TYW1: variants seen among roughly 807,000 people sequenced by gnomAD.
TYW1 encodes S-adenosyl-L-methionine-dependent tRNA 4-demethylwyosine synthase TYW1.
In TYW1, 46 loss-of-function variants were observed where a neutral mutation model predicts 96.2. The observed-to-expected ratio is 0.48, with a 90% confidence interval of 0.38 to 0.61. TYW1 has a LOEUF of 0.61. Ranked by LOEUF, TYW1 falls within the 20% of genes least tolerant of loss-of-function variation. The pLI, the probability that TYW1 is intolerant of heterozygous loss-of-function variation, is 0.00. For synonymous variants in TYW1, 274 were observed against 323.0 expected (o/e 0.85, Z 1.63); for missense variants, 684 against 909.6 (o/e 0.75, Z 3.19).
In TYW1 at chr7:67,149,722, A is replaced by ATC. The variant is rs1554376826; in HGVS notation, c.1698+32105_1698+32106insCT. 1.9e-3 allele frequency among the ~76,000 whole-genome samples: 262 copies of ATC among 140,234 alleles called. 1 individual carries two copies. Among genetic ancestry groups the ATC allele is most frequent in the African/African-American group, 6.8e-3 (257 of 37,720 alleles). 92.0% of individuals were successfully genotyped at this position (140,234 alleles called of 152,430 possible). A position where few individuals can be genotyped will look rare whatever the true frequency, so the allele number is the denominator to read the frequency against. ...GGAGCTTGTCAAAAAAGGAAAAAAA[A>ATC]TATCTATCTATCTATCTATCTATCT... On this transcript the variant is annotated intron_variant, in intron 13 of 15. Coordinates refer to ENST00000359626, the MANE Select transcript of TYW1 (RefSeq NM_018264.4).
intron 7 of TYW1, among the ~76,000 whole-genome samples, chr7:67,042,312 C>T (rs991407760): frequency 1.3e-5 from 2 of 150,516 alleles, no homozygotes; most frequent in African/African-American, 4.9e-5. Context: ...CCTTGGTATT[C>T]TACCTCCCTC....
intron 13 of TYW1, among the ~76,000 whole-genome samples, chr7:67,146,658 A>G (rs1444438977): frequency 6.6e-6 from 1 of 152,250 alleles, no homozygotes; most frequent in Non-Finnish European, 1.5e-5. Flanking sequence ...GTATAACAAT[A>G]TTCAGAATTG....
intron 13 of TYW1, among the ~76,000 whole-genome samples, chr7:67,126,691 G>T (rs923462543): frequency 6.6e-6 from 1 of 151,938 alleles, no homozygotes; most frequent in East Asian, 1.9e-4. Context: ...TGGATTTCTA[G>T]TTCCAGCACT....
chr7:67,002,240 G>A (rs951748162), intron 3 of TYW1, among the ~76,000 whole-genome samples: 1 of 151,480 alleles, frequency 6.6e-6, no homozygotes, highest in African/African-American at 2.4e-5. Context: ...TTGTAGAGAT[G>A]GGGTCTCCTT....
intron 11 of TYW1, among the ~76,000 whole-genome samples, chr7:67,095,879 T>C (rs528146090): frequency 6.6e-6 from 1 of 152,282 alleles, no homozygotes; most frequent in Non-Finnish European, 1.5e-5. Context: ...TTAACTTTAT[T>C]TCGCCCACGT....
chr7:67,006,057 A>G (rs1231259983), intron 3 of TYW1, among the ~76,000 whole-genome samples: 1 of 151,966 alleles, frequency 6.6e-6, no homozygotes, highest in Non-Finnish European at 1.5e-5. Flanking sequence ...TGGGTAATTG[A>G]TATGGTTTGG....
intron 13 of TYW1, among the ~76,000 whole-genome samples, chr7:67,125,998 A>T (rs2116025966): frequency 6.6e-6 from 1 of 152,178 alleles, no homozygotes. Flanking sequence ...AAGTTTTGGC[A>T]ATTTTGAACC....
chr7:67,160,781 A>G (rs34103013), intron 13 of TYW1, among the ~76,000 whole-genome samples: 40,794 of 149,062 alleles, frequency 0.27, 6,056 homozygotes, highest in African/African-American at 0.39. Context: ...TAGTAGAGAT[A>G]GGGTTTCACC....
chr7:67,170,481 A>G (rs954167728), intron 13 of TYW1, among the ~76,000 whole-genome samples: 3 of 152,238 alleles, frequency 2.0e-5, no homozygotes, highest in African/African-American at 7.2e-5. Context: ...TGGAACTTTA[A>G]CAGGGATTTA....
In TYW1 at chr7:67,076,643, T is replaced by C. The variant is rs1354144542; in HGVS notation, c.1275-6787T>C. ...GGCACACGCCACCAAGCCTGGATAA[T>C]TTTTGTATTTTTAGTAGAGGTGGAG... On this transcript the variant is annotated intron_variant, in intron 10 of 15. Coordinates refer to ENST00000359626, the MANE Select transcript of TYW1 (RefSeq NM_018264.4). Among the ~76,000 whole-genome samples the C allele has an allele frequency of 2.0e-5, 3 of 151,844 alleles. No individual in the cohort carries two copies. In the East Asian group the frequency reaches 5.8e-4, roughly 29 times the overall value.
At chr7:67,063,647 A>G (rs1456567694) in intron 9 of TYW1, among the ~76,000 whole-genome samples, 3 of 151,860 alleles carry the variant, frequency 2.0e-5, no homozygotes, top group Middle Eastern at 3.4e-3. Flanking sequence ...TCTGTCACCC[A>G]GGCTGGAGTG....
chr7:67,168,812 A>T (rs937474889), intron 13 of TYW1, among the ~76,000 whole-genome samples: 2 of 151,968 alleles, frequency 1.3e-5, no homozygotes, highest in Non-Finnish European at 2.9e-5. Flanking sequence ...CCCAGGTTCA[A>T]GCGGTTCTCC....
At chr7:67,193,500 C>G (rs1406241280) in intron 14 of TYW1, among the ~76,000 whole-genome samples, 1 of 152,160 alleles carries the variant, frequency 6.6e-6, no homozygotes, top group Non-Finnish European at 1.5e-5. Context: ...TGGCTCACAT[C>G]TGTAATCCCA....
chr7:67,117,433 C>T (rs1364149205), intron 12 of TYW1, 50 bp from the exon 13 acceptor site: 8 of 1,578,062 alleles, frequency 5.1e-6, no homozygotes, highest in Admixed American at 3.8e-5. Context: ...CATGGAAAGC[C>T]TGATAGAGGA....
At chr7:67,179,480 C>A (rs1799772073) in intron 13 of TYW1, among the ~76,000 whole-genome samples, 2 of 134,746 alleles carry the variant, frequency 1.5e-5, no homozygotes, top group Admixed American at 1.5e-4. Flanking sequence ...TGTGTAACTT[C>A]AGGCAATTTA....
At chr7:67,168,106 C>G (rs1462488866) in intron 13 of TYW1, among the ~76,000 whole-genome samples, 1 of 140,934 alleles carries the variant, frequency 7.1e-6, no homozygotes, top group Admixed American at 7.1e-5. Flanking sequence ...TCTTTTTATT[C>G]CTAGCTTTAT....
At position 67,100,295 on chromosome 7, in the gene TYW1, C is replaced by T. The variant is rs139229053; in HGVS notation, c.1562+1577C>T. ...GGAAATGATCTGTTTTTGTGTCATA[C>T]TGGGACTAGGCACACGCTGTAACAC... is the stretch of plus-strand genomic sequence containing the variant. On this transcript the variant is annotated intron_variant, in intron 12 of 15. Transcript: ENST00000359626. Among the ~76,000 whole-genome samples, 288 of 152,160 alleles carry T rather than the reference C, an allele frequency of 1.9e-3. 1 individual carries two copies. The highest frequency in any genetic ancestry group is 6.6e-3 in the African/African-American group (275 of 41,528).
chr7:67,024,778 C>T (rs1794391960), intron 6 of TYW1, 122 bp from the exon 7 acceptor site: 1 of 1,428,640 alleles, frequency 7.0e-7, no homozygotes, highest in African/African-American at 1.5e-5. Flanking sequence ...GAGACCCTGT[C>T]TCAAAGAAAA....
chr7:67,050,829 A>C (rs1410734569), intron 8 of TYW1, among the ~76,000 whole-genome samples: 1 of 151,048 alleles, frequency 6.6e-6, no homozygotes, highest in Non-Finnish European at 1.5e-5. Flanking sequence ...AAATGACTCT[A>C]TTTTATATTT....
Sources: gnomAD v4.1 joint callset for allele counts (sites outside exome capture counted in the v4.1 genomes callset) on GRCh38, gnomAD v4.1.1 for gene constraint, MANE v1.5 for transcripts, NCBI Gene and HGNC (gene_info 2026-07-23, HGNC 2026-07-21) for gene names.